Variants in IL19 observed in about 807,000 individuals in gnomAD.
The protein encoded by IL19 is interleukin 19.
A neutral mutation model predicts 19.5 loss-of-function variants in IL19; 15 were observed. The observed-to-expected ratio is 0.77, with a 90% CI of 0.52 to 1.19. The LOEUF is 1.19. IL19 is among the 50% of genes most tolerant of loss of function. The probability of loss-of-function intolerance (pLI) is 0.00; values close to 1 mark genes in which losing one functional copy is unlikely to be tolerated. For missense variants in IL19, 199 were observed against 213.1 expected, an observed-to-expected ratio of 0.93 and a Z score of 0.41; for synonymous variants, 78 against 78.3, an observed-to-expected ratio of 1.00 and a Z score of 0.02.
intron 1 of IL19, among the ~76,000 whole-genome samples, chr1:206,776,331 C>T (rs1416947551): frequency 6.6e-6 from 1 of 152,042 alleles, no homozygotes; most frequent in Non-Finnish European, 1.5e-5. Context: ...AAAGGCACAC[C>T]AACCCAGGAG....
At chr1:206,813,458 C>T (rs1676069472) in intron 2 of IL19, among the ~76,000 whole-genome samples, 1 of 152,046 alleles carries the variant, frequency 6.6e-6, no homozygotes. Context: ...TTGGGGACAC[C>T]AGCAATAGCC....
At chr1:206,817,286 C>T (rs527854695) in intron 2 of IL19, among the ~76,000 whole-genome samples, 3 of 152,324 alleles carry the variant, frequency 2.0e-5, no homozygotes, top group African/African-American at 7.2e-5. Flanking sequence ...CACCAATCAC[C>T]TACTGATCTC....
intron 1 of IL19, among the ~76,000 whole-genome samples, chr1:206,793,383 C>T (rs1399589073): frequency 6.6e-6 from 1 of 152,242 alleles, no homozygotes; most frequent in Admixed American, 6.5e-5. Flanking sequence ...TGTAGCAAGA[C>T]AGGGCTTTCC....
intron 2 of IL19, among the ~76,000 whole-genome samples, chr1:206,824,559 T>C (rs1024391024): frequency 6.6e-6 from 1 of 152,174 alleles, no homozygotes; most frequent in Non-Finnish European, 1.5e-5. Context: ...CTGTTCCTCA[T>C]TTGCCACATG....
At chr1:206,782,626 C>T (rs780998888) in intron 1 of IL19, among the ~76,000 whole-genome samples, 2 of 152,190 alleles carry the variant, frequency 1.3e-5, no homozygotes, top group Non-Finnish European at 2.9e-5. Context: ...TCACATGTCA[C>T]GGAAGCTACA....
At chr1:206,828,533 C>G (rs12118101) in intron 2 of IL19, among the ~76,000 whole-genome samples, 2 of 152,100 alleles carry the variant, frequency 1.3e-5, no homozygotes, top group Non-Finnish European at 1.5e-5. Context: ...GATTGGGATC[C>G]TCTTTTCTGG....
chr1:206,823,213 C>A (rs1424716985), intron 2 of IL19, among the ~76,000 whole-genome samples: 1 of 152,078 alleles, frequency 6.6e-6, no homozygotes, highest in Non-Finnish European at 1.5e-5. Context: ...GCATATGCCA[C>A]CGCACCTGGC....
chr1:206,789,394 G>A (rs1269056811), intron 1 of IL19, among the ~76,000 whole-genome samples: 1 of 152,132 alleles, frequency 6.6e-6, no homozygotes, highest in African/African-American at 2.4e-5. Flanking sequence ...ATGCCTTTGT[G>A]AATCCATAGC....
chr1:206,834,570 C>G (rs974596391), intron 2 of IL19, among the ~76,000 whole-genome samples: 3 of 152,062 alleles, frequency 2.0e-5, no homozygotes, highest in African/African-American at 7.3e-5. Flanking sequence ...GGTGAATTTT[C>G]TAGTATCTTA....
At chr1:206,819,776 T>G (rs535078125) in intron 2 of IL19, among the ~76,000 whole-genome samples, 1 of 152,322 alleles carries the variant, frequency 6.6e-6, no homozygotes, top group South Asian at 2.1e-4. Flanking sequence ...ACTTAGATCT[T>G]TCACTGGCCG....
At chr1:206,787,472 G>T (rs1675293914) in intron 1 of IL19, among the ~76,000 whole-genome samples, 1 of 152,216 alleles carries the variant, frequency 6.6e-6, no homozygotes, top group Non-Finnish European at 1.5e-5. Flanking sequence ...AGGAGATGCA[G>T]TCTAGCTTGG....
chr1:206,810,000 A>T (rs990194241), intron 2 of IL19, among the ~76,000 whole-genome samples: 2 of 152,226 alleles, frequency 1.3e-5, no homozygotes. Context: ...GACCCATCCC[A>T]ACCTCTCTTT....
At chr1:206,815,789 C>T (rs529082732) in intron 2 of IL19, among the ~76,000 whole-genome samples, 11 of 152,160 alleles carry the variant, frequency 7.2e-5, no homozygotes, top group African/African-American at 2.4e-4. Flanking sequence ...GGAAGTAATG[C>T]AAATAAGAAG....
At position 206,771,506 on chromosome 1, in the gene IL19, T is replaced by C. The variant is rs45503092; in HGVS notation, c.-149+428T>C. 1.8e-4 allele frequency: 209 copies of C among 1,146,534 alleles called. 1 individual carries two copies. Among genetic ancestry groups the C allele is most frequent in the Non-Finnish European group, 1.3e-4 (98 of 782,122 alleles). 71.0% of individuals were successfully genotyped at this position (1,146,534 alleles called of 1,614,324 possible). ...GATGCCCTTTCATTTAGAGATTTTT[T>C]TTTTTAAATAAAATTGGCTCTGGCC... On this transcript the variant is annotated intron_variant, in intron 1 of 6. Transcript: ENST00000659997.
intron 2 of IL19, among the ~76,000 whole-genome samples, chr1:206,815,289 A>G (rs151266324): frequency 4.7e-4 from 71 of 152,294 alleles, no homozygotes; most frequent in Non-Finnish European, 8.7e-4. Flanking sequence ...GCTGCATTCT[A>G]TCAGTTAAGT....
chr1:206,779,015 C>A (rs924927863), intron 1 of IL19, among the ~76,000 whole-genome samples: 1 of 152,094 alleles, frequency 6.6e-6, no homozygotes, highest in Admixed American at 6.6e-5. Flanking sequence ...GGGAGATGTC[C>A]GGGGTCCAGG....
At chr1:206,806,942 T>C (rs925279773) in intron 2 of IL19, among the ~76,000 whole-genome samples, 1 of 152,220 alleles carries the variant, frequency 6.6e-6, no homozygotes, top group Admixed American at 6.5e-5. Context: ...CTCCCACTGC[T>C]ATAAAAACAT....
intron 2 of IL19, among the ~76,000 whole-genome samples, chr1:206,801,628 C>A (rs540475480): frequency 8.3e-4 from 127 of 152,376 alleles, no homozygotes; most frequent in South Asian, 4.1e-3. Flanking sequence ...CTCCATCCCA[C>A]CTGAGTCAGA....
chr1:206,819,259 G>A (rs1676235714), intron 2 of IL19, among the ~76,000 whole-genome samples: 1 of 152,026 alleles, frequency 6.6e-6, no homozygotes, highest in South Asian at 2.1e-4. Context: ...CTAGCCACAA[G>A]TGGCCATCCA....
Sources: allele counts gnomAD v4.1 joint callset (sites outside exome capture counted in the v4.1 genomes callset), GRCh38; gene constraint gnomAD v4.1.1; transcripts MANE v1.5; gene names NCBI Gene and HGNC (gene_info 2026-07-23, HGNC 2026-07-21).